Variants in ERAP1 observed in about 807,000 individuals in gnomAD.
ERAP1 encodes endoplasmic reticulum aminopeptidase 1, also known as adipocyte-derived leucine aminopeptidase.
In ERAP1, 86 loss-of-function variants were observed where a neutral mutation model predicts 103.7. The observed-to-expected ratio is 0.83, with a 90% confidence interval of 0.70 to 0.99. ERAP1 has a LOEUF of 0.99. ERAP1 is among the 50% of genes least tolerant of loss of function. The pLI, the probability that ERAP1 is intolerant of heterozygous loss-of-function variation, is 0.00. For synonymous variants in ERAP1, 398 were observed against 402.4 expected, an observed-to-expected ratio of 0.99 and a Z score of 0.13; for missense variants, 1,009 against 1,128.4, an observed-to-expected ratio of 0.89 and a Z score of 1.52.
At chr5:96,776,751 C>G in intron 18 of ERAP1, 200 bp from the exon 19 acceptor site, 2 of 684,888 alleles carry the variant, frequency 2.9e-6, no homozygotes, top group East Asian at 5.7e-5. Context: ...TGTTTTTTGT[C>G]TGCAGTTCTT....
rs12517900 is a variant in ERAP1 at position 96,768,095 on chromosome 5, C to G, written c.2819-4867G>C. ...TTTATTGATTGATCTATCTATCGGT[C>G]TGTCTTGTAACAGGGTCTTACTCTA... On this transcript the variant is annotated intron_variant, in intron 19 of 19. Transcript: ENST00000296754. The G allele has an allele frequency of 0.083, 69,884 of 844,356 alleles. 3,490 individuals are homozygous for G. Among genetic ancestry groups the G allele is most frequent in the African/African-American group, 0.15 (9,047 of 59,052 alleles). The allele number at this position is 844,356 out of a possible 1,614,324, so 52.3% of individuals were successfully genotyped here.
chr5:96,770,837 T>G (rs1477988988), downstream of ERAP1, among the ~76,000 whole-genome samples: 1 of 152,172 alleles, frequency 6.6e-6, no homozygotes, highest in Non-Finnish European at 1.5e-5. Context: ...CCAATTTGCC[T>G]GTGTTTTGCC....
At chr5:96,888,624 C>A in the ERAP1 span, among the ~76,000 whole-genome samples, 1,604 of 152,286 alleles carry the variant, frequency 0.011, 17 homozygotes, top group Non-Finnish European at 0.016. Context: ...ATAAAAGTAG[C>A]TCTATACTTG....
the ERAP1 span, among the ~76,000 whole-genome samples, chr5:96,813,443 A>C: frequency 2.0e-5 from 3 of 152,070 alleles, no homozygotes; most frequent in Admixed American, 2.0e-4. Flanking sequence ...TCATGAGGGC[A>C]GGAGATCGAG....
the ERAP1 span, among the ~76,000 whole-genome samples, chr5:96,919,934 C>G: frequency 6.6e-6 from 1 of 152,222 alleles, no homozygotes; most frequent in African/African-American, 2.4e-5. Context: ...GTTCCAGCAA[C>G]TCACTCATAA....
At chr5:96,871,664 T>G in the ERAP1 span, among the ~76,000 whole-genome samples, 3 of 152,342 alleles carry the variant, frequency 2.0e-5, no homozygotes, top group African/African-American at 7.2e-5. Context: ...TTCATTTGGC[T>G]ACTAAATAAA....
chr5:96,895,380 A>T, the ERAP1 span: 1 of 1,413,172 alleles, frequency 7.1e-7, no homozygotes. Flanking sequence ...AATTCTGTGT[A>T]TCATACTATA....
chr5:96,857,942 T>C, the ERAP1 span, among the ~76,000 whole-genome samples: 3 of 152,030 alleles, frequency 2.0e-5, no homozygotes, highest in Non-Finnish European at 4.4e-5. Flanking sequence ...AGAGGGAAAA[T>C]ACCAAGGATC....
At chr5:96,927,756 A>G in the ERAP1 span, among the ~76,000 whole-genome samples, 10,719 of 152,206 alleles carry the variant, frequency 0.07, 453 homozygotes, top group Middle Eastern at 0.15. Context: ...AAAGTGCTGG[A>G]ATTACAGTCC....
the ERAP1 span, among the ~76,000 whole-genome samples, chr5:96,898,470 G>T: frequency 1.3e-5 from 2 of 151,424 alleles, no homozygotes; most frequent in East Asian, 1.9e-4. Context: ...GGCCTGGTGC[G>T]GTGGCTCATG....
At chr5:96,900,611 G>A in the ERAP1 span, among the ~76,000 whole-genome samples, 1 of 151,958 alleles carries the variant, frequency 6.6e-6, no homozygotes, top group Non-Finnish European at 1.5e-5. Flanking sequence ...CATCACAGGG[G>A]AAGAAAGGAA....
At chr5:96,899,067 C>G in the ERAP1 span, among the ~76,000 whole-genome samples, 3 of 152,142 alleles carry the variant, frequency 2.0e-5, no homozygotes, top group African/African-American at 7.2e-5. Context: ...TTTAGGCCAG[C>G]AGTGTAAATT....
chr5:96,795,036 CTCTACCT>C lies in ERAP1; in HGVS notation c.918_919+5del. 1 of 1,613,870 alleles carries C rather than the reference CTCTACCT, an allele frequency of 6.2e-7. No homozygotes were observed. The highest frequency in any genetic ancestry group is 8.5e-7 in the Non-Finnish European group (1 of 1,179,888). On this transcript the variant is annotated splice_donor_variant and splice_donor_5th_base_variant and coding_sequence_variant and intron_variant, in exon 5 of 19. Coordinates refer to ENST00000443439, the MANE Select transcript of ERAP1 (RefSeq NM_001040458.3). LOFTEE classifies it high-confidence loss of function. ...GTCATGTGTAATATCTGTGCAAAAT[CTCTACCT>C]TGTTTGGGTAGGGGATACGGTATGC...
chr5:96,809,960 A>G (rs1779055845), upstream of ERAP1, among the ~76,000 whole-genome samples: 2 of 152,202 alleles, frequency 1.3e-5, no homozygotes, highest in Admixed American at 1.3e-4. Context: ...AATGCACCCA[A>G]CAGGCTGGAG....
At chr5:96,912,188 C>CAA in the ERAP1 span, among the ~76,000 whole-genome samples, 158 of 84,212 alleles carry the variant, frequency 1.9e-3, no homozygotes, top group African/African-American at 6.5e-3. Context: ...GACTCCACCT[C>CAA]AAAAAAAAAA....
the ERAP1 span, among the ~76,000 whole-genome samples, chr5:96,891,501 A>G: frequency 0.046 from 1,217 of 26,280 alleles, 22 homozygotes; most frequent in Admixed American, 0.15. Flanking sequence ...GTGTGTGTGT[A>G]TATATATATA....
At chr5:96,914,596 C>T in the ERAP1 span, among the ~76,000 whole-genome samples, 1 of 152,206 alleles carries the variant, frequency 6.6e-6, no homozygotes, top group Non-Finnish European at 1.5e-5. Context: ...GGAAATGATG[C>T]CCCTGCCCAA....
the ERAP1 span, chr5:96,917,665 G>C: frequency 6.4e-6 from 9 of 1,415,232 alleles, no homozygotes; most frequent in Non-Finnish European, 8.7e-6. Context: ...CCAGCACTTT[G>C]GGAGGCTGAG....
rs912037572 is a variant in ERAP1 at position 96,775,838 on chromosome 5, G to A, written c.*558C>T. ...CCTCCGACCCCAGCTCCAGCTCTCC[G>A]GCTCCCCACTGACCAACATCCAAAG... On this transcript the variant is annotated 3_prime_UTR_variant, in exon 19 of 19. Coordinates refer to ENST00000443439, the MANE Select transcript of ERAP1 (RefSeq NM_001040458.3). 5 of 488,792 alleles carry A rather than the reference G, an allele frequency of 1.0e-5. No individual in the cohort carries two copies. Among genetic ancestry groups the A allele is most frequent in the East Asian group, 1.5e-4 (1 of 6,772 alleles). The allele number at this position is 488,792 out of a possible 1,614,324, so 30.3% of individuals were successfully genotyped here. A position where few individuals can be genotyped will look rare whatever the true frequency, so the allele number is the denominator to read the frequency against.
Sources: allele counts gnomAD v4.1 joint callset (sites outside exome capture counted in the v4.1 genomes callset), GRCh38; gene constraint gnomAD v4.1.1; transcripts MANE v1.5; gene names NCBI Gene and HGNC (gene_info 2026-07-23, HGNC 2026-07-21).